DRC8: variants seen among roughly 807,000 people sequenced by gnomAD.
The protein encoded by DRC8 is dynein regulatory complex subunit 8, also known as dynein regulatory complex protein 8.
the DRC8 span, among the ~76,000 whole-genome samples, chr1:245,085,899 A>G: frequency 1.3e-5 from 2 of 152,244 alleles, no homozygotes; most frequent in Non-Finnish European, 2.9e-5. Flanking sequence ...ATGATGAGTA[A>G]CAGAGTGTAG....
chr1:245,064,173 T>C, the DRC8 span, among the ~76,000 whole-genome samples: 1 of 152,318 alleles, frequency 6.6e-6, no homozygotes. Flanking sequence ...ATATTTTATT[T>C]CTAAACTCAC....
At chr1:245,046,658 T>G in the DRC8 span, among the ~76,000 whole-genome samples, 1 of 152,100 alleles carries the variant, frequency 6.6e-6, no homozygotes, top group African/African-American at 2.4e-5. Context: ...AAGCTCTGAG[T>G]CGTTTTTGCT....
the DRC8 span, among the ~76,000 whole-genome samples, chr1:245,094,319 G>A: frequency 6.6e-6 from 1 of 152,120 alleles, no homozygotes; most frequent in Non-Finnish European, 1.5e-5. Context: ...TCTTCAATTC[G>A]AGGTTACTTT....
chr1:244,983,694 C>T, the DRC8 span, among the ~76,000 whole-genome samples: 1 of 134,038 alleles, frequency 7.5e-6, no homozygotes, highest in East Asian at 2.5e-4. Flanking sequence ...GAGCCAAGGT[C>T]ATGCCATTGT....
chr1:244,978,709 C>CA, the DRC8 span, among the ~76,000 whole-genome samples: 1 of 152,116 alleles, frequency 6.6e-6, no homozygotes, highest in Non-Finnish European at 1.5e-5. Flanking sequence ...AGGCTAGTCT[C>CA]AAACTCCTGG....
the DRC8 span, among the ~76,000 whole-genome samples, chr1:244,988,255 G>A: frequency 1.5e-4 from 23 of 152,170 alleles, no homozygotes; most frequent in South Asian, 3.7e-3. Context: ...GGGCTCAAGC[G>A]ATCCTCCCGC....
chr1:245,111,240 A>C, the DRC8 span, among the ~76,000 whole-genome samples: 8 of 152,142 alleles, frequency 5.3e-5, no homozygotes, highest in Non-Finnish European at 1.0e-4. Flanking sequence ...CCAGGTCTGC[A>C]CTCGTGGGCA....
At chr1:245,031,989 G>A in the DRC8 span, among the ~76,000 whole-genome samples, 1 of 152,320 alleles carries the variant, frequency 6.6e-6, no homozygotes, top group Non-Finnish European at 1.5e-5. Flanking sequence ...GTAGGGGTTA[G>A]TAACTAGTGA....
chr1:244,985,256 G>C, the DRC8 span, among the ~76,000 whole-genome samples: 1 of 152,176 alleles, frequency 6.6e-6, no homozygotes, highest in Admixed American at 6.5e-5. Flanking sequence ...GCATTGCTTA[G>C]TGGTTAAGAA....
At chr1:244,970,874 G>C in the DRC8 span, 23 of 226,166 alleles carry the variant, frequency 1.0e-4, no homozygotes, top group East Asian at 2.4e-3. Flanking sequence ...CGTTGTTCAC[G>C]GTCGCGGGGA....
the DRC8 span, among the ~76,000 whole-genome samples, chr1:244,976,785 G>A: frequency 6.6e-6 from 1 of 152,204 alleles, no homozygotes; most frequent in African/African-American, 2.4e-5. Flanking sequence ...AGTTCCACGT[G>A]TGGGTATATA....
the DRC8 span, among the ~76,000 whole-genome samples, chr1:245,052,399 G>A: frequency 6.6e-6 from 1 of 152,188 alleles, no homozygotes; most frequent in East Asian, 1.9e-4. Flanking sequence ...TGAGTGTAGA[G>A]GACTGAGCAG....
chr1:245,106,263 T>C, the DRC8 span, among the ~76,000 whole-genome samples: 1 of 152,208 alleles, frequency 6.6e-6, no homozygotes, highest in South Asian at 2.1e-4. Flanking sequence ...TACACTGCTC[T>C]TTCTGTCACA....
the DRC8 span, among the ~76,000 whole-genome samples, chr1:245,008,162 C>T: frequency 2.6e-5 from 4 of 151,930 alleles, no homozygotes; most frequent in Non-Finnish European, 4.4e-5. Flanking sequence ...GGACAGAGCA[C>T]GACTCTGTCT....
the DRC8 span, among the ~76,000 whole-genome samples, chr1:244,986,814 A>G: frequency 2.6e-5 from 4 of 151,554 alleles, no homozygotes; most frequent in African/African-American, 9.7e-5. Flanking sequence ...GCAGATAATG[A>G]TGGTGGTGTC....
chr1:245,119,985 T>C, the DRC8 span, among the ~76,000 whole-genome samples: 1 of 151,542 alleles, frequency 6.6e-6, no homozygotes, highest in African/African-American at 2.4e-5. Context: ...AGCAAGGAAC[T>C]GAACCCAGTG....
At chr1:245,004,551 G>A in the DRC8 span, among the ~76,000 whole-genome samples, 4 of 151,840 alleles carry the variant, frequency 2.6e-5, no homozygotes, top group South Asian at 8.3e-4. Context: ...TGAATTATAT[G>A]TTTTAAAAGG....
chr1:245,011,517 G>T, the DRC8 span, among the ~76,000 whole-genome samples: 2 of 152,316 alleles, frequency 1.3e-5, no homozygotes, highest in South Asian at 4.1e-4. Flanking sequence ...TGATTAGAAG[G>T]TTACTGTATA....
At chr1:244,984,336 C>T in the DRC8 span, among the ~76,000 whole-genome samples, 7 of 152,214 alleles carry the variant, frequency 4.6e-5, no homozygotes, top group African/African-American at 1.4e-4. Context: ...TGCTTATTGT[C>T]TCTCTATCCT....
Sources: allele counts gnomAD v4.1 joint callset (sites outside exome capture counted in the v4.1 genomes callset), GRCh38; gene constraint gnomAD v4.1.1; transcripts MANE v1.5; gene names NCBI Gene and HGNC (gene_info 2026-07-23, HGNC 2026-07-21).